Variants in NRXN1 observed in about 807,000 individuals in gnomAD.
The protein encoded by NRXN1 is neurexin 1, also known as neurexin-1.
A neutral mutation model predicts 150.9 loss-of-function variants in NRXN1; 39 were observed. The observed-to-expected ratio is 0.26, with a 90% CI of 0.20 to 0.34. The LOEUF is 0.34. NRXN1 is among the 10% of genes least tolerant of loss of function. The probability of loss-of-function intolerance (pLI) is 1.00; values close to 1 mark genes in which losing one functional copy is unlikely to be tolerated. For synonymous variants in NRXN1, 924 were observed against 757.0 expected, an observed-to-expected ratio of 1.22 and a Z score of -3.62; for missense variants, 1,815 against 1,949.9, an observed-to-expected ratio of 0.93 and a Z score of 1.30.
intron 18 of NRXN1, among the ~76,000 whole-genome samples, chr2:50,231,212 G>A (rs2064906738): frequency 7.1e-6 from 1 of 140,402 alleles, no homozygotes; most frequent in Non-Finnish European, 1.5e-5. Flanking sequence ...ATTTCAAATG[G>A]AACATAATTT....
chr2:50,785,669 AG>A (rs1276469320), intron 5 of NRXN1, among the ~76,000 whole-genome samples: 1 of 152,126 alleles, frequency 6.6e-6, no homozygotes, highest in African/African-American at 2.4e-5. Flanking sequence ...GAGAAGCAAA[AG>A]CACTGAGAGA....
In NRXN1 at chr2:50,414,933, A is replaced by G. The variant is rs1451446277; in HGVS notation, c.3364+50509T>C. On this transcript the variant is annotated intron_variant, in intron 17 of 22. Coordinates refer to ENST00000401669, the MANE Select transcript of NRXN1 (RefSeq NM_001330078.2). ...AATTTCAGAAACAAACCATACATAT[A>G]TAACAGAAATAATTTACAATTAAAA... Among the ~76,000 whole-genome samples the G allele has an allele frequency of 3.3e-5, 5 of 152,126 alleles. No individual in the cohort carries two copies. The East Asian group carries it at 7.7e-4, about 23-fold the overall frequency.
At chr2:50,938,472 C>A (rs1688879472) in intron 2 of NRXN1, among the ~76,000 whole-genome samples, 1 of 152,180 alleles carries the variant, frequency 6.6e-6, no homozygotes, top group African/African-American at 2.4e-5. Context: ...ATCTTCCTGT[C>A]TTCTTCTGAG....
At chr2:50,307,108 C>T (rs1019480992) in intron 17 of NRXN1, among the ~76,000 whole-genome samples, 2 of 152,104 alleles carry the variant, frequency 1.3e-5, no homozygotes, top group African/African-American at 4.8e-5. Context: ...CCTCAGCCTC[C>T]TGAGCATCTG....
intron 2 of NRXN1, among the ~76,000 whole-genome samples, chr2:51,013,360 T>C (rs1431267228): frequency 2.0e-5 from 3 of 151,936 alleles, no homozygotes; most frequent in African/African-American, 4.8e-5. Flanking sequence ...CTGGGGGAAG[T>C]AATTCATGGG....
intron 17 of NRXN1, among the ~76,000 whole-genome samples, chr2:50,270,937 G>A (rs1011664473): frequency 7.9e-5 from 12 of 152,090 alleles, no homozygotes; most frequent in Non-Finnish European, 1.2e-4. Context: ...GGGATTACAG[G>A]CATGAGCCAC....
At chr2:50,247,990 T>A (rs1461914802) in intron 17 of NRXN1, among the ~76,000 whole-genome samples, 1 of 152,090 alleles carries the variant, frequency 6.6e-6, no homozygotes, top group Non-Finnish European at 1.5e-5. Context: ...ATAAATATAT[T>A]AGTCATGAAG....
Position 50,344,993 on chromosome 2 carries a change from G to C in NRXN1, c.3365-108023C>G, listed in dbSNP as rs113167352. ...AATTCTGCACAAAGGCAGGGCAGTG[G>C]TTGAGAACTGCACCCAGGTAAAGGG... On this transcript the variant is annotated intron_variant, in intron 17 of 22. Coordinates refer to ENST00000401669, the MANE Select transcript of NRXN1 (RefSeq NM_001330078.2). 5.5e-4 allele frequency among the ~76,000 whole-genome samples: 84 copies of C among 152,316 alleles called. 1 individual carries two copies. Among genetic ancestry groups the C allele is most frequent in the African/African-American group, 1.7e-3 (72 of 41,572 alleles).
intron 5 of NRXN1, among the ~76,000 whole-genome samples, chr2:50,719,656 A>G (rs1185263525): frequency 1.3e-5 from 2 of 152,142 alleles, no homozygotes; most frequent in Non-Finnish European, 2.9e-5. Context: ...AGCCCAGGCG[A>G]CAGTGCAAGA....
At chr2:50,293,627 T>G (rs1241038266) in intron 17 of NRXN1, among the ~76,000 whole-genome samples, 1 of 152,058 alleles carries the variant, frequency 6.6e-6, no homozygotes, top group South Asian at 2.1e-4. Context: ...CATGATACAC[T>G]GGTATAAGTA....
chr2:50,762,512 G>A (rs1164880505), intron 5 of NRXN1, among the ~76,000 whole-genome samples: 3 of 151,640 alleles, frequency 2.0e-5, no homozygotes, highest in African/African-American at 7.3e-5. Flanking sequence ...CTCTAATAGT[G>A]CCCTGTGTCT....
intron 5 of NRXN1, among the ~76,000 whole-genome samples, chr2:50,864,191 T>C (rs1029710237): frequency 6.6e-6 from 1 of 151,992 alleles, no homozygotes; most frequent in Non-Finnish European, 1.5e-5. Flanking sequence ...ATGCATGCAT[T>C]CATCCATTTA....
At chr2:50,050,969 A>T (rs1402210789) in intron 21 of NRXN1, among the ~76,000 whole-genome samples, 1 of 152,024 alleles carries the variant, frequency 6.6e-6, no homozygotes, top group Non-Finnish European at 1.5e-5. Flanking sequence ...AACAATTTTA[A>T]ATATCTATTT....
chr2:50,497,632 A>G lies in NRXN1; in HGVS notation c.2580T>C (p.Ser860=). ...GGTGTCCAATGAAGTTGGAGGGGAC[A>G]GAAGAAAGATACCGTCGTTCTGTGA... is the stretch of plus-strand genomic sequence containing the variant. ...GIITERRYLS[S]VPSNFIGHLQ... The change falls in exon 14 of 23, where the codon TCT becomes TCC. Residue 860 remains serine, a synonymous_variant. Coordinates refer to ENST00000401669, the MANE Select transcript of NRXN1 (RefSeq NM_001330078.2). 1 of 1,613,946 alleles carries G rather than the reference A, an allele frequency of 6.2e-7. No individual in the cohort carries two copies. The highest frequency in any genetic ancestry group is 8.5e-7 in the Non-Finnish European group (1 of 1,179,840).
At position 50,966,036 on chromosome 2, in the gene NRXN1, G is replaced by C. The variant is rs377456371; in HGVS notation, c.773-40081C>G. Among the ~76,000 whole-genome samples the C allele has an allele frequency of 2.2e-4, 33 of 151,584 alleles. No homozygotes were observed. The East Asian group carries it at 5.4e-3, about 25-fold the overall frequency. On this transcript the variant is annotated intron_variant, in intron 2 of 22. Coordinates refer to ENST00000401669, the MANE Select transcript of NRXN1 (RefSeq NM_001330078.2). Reference sequence around the variant, plus strand: ...ACCTTAGTAGTAAAAAGTGTGTACAGCATTATCAGCTTTTCATATTATTTT... The same window carrying C: ...ACCTTAGTAGTAAAAAGTGTGTACACCATTATCAGCTTTTCATATTATTTT...
intron 12 of NRXN1, among the ~76,000 whole-genome samples, chr2:50,513,693 A>G (rs1379425201): frequency 6.6e-6 from 1 of 152,150 alleles, no homozygotes; most frequent in Non-Finnish European, 1.5e-5. Flanking sequence ...GAAGAGAAAT[A>G]GAGAAGAATA....
At chr2:50,325,047 G>C (rs1344150074) in intron 17 of NRXN1, among the ~76,000 whole-genome samples, 1 of 152,094 alleles carries the variant, frequency 6.6e-6, no homozygotes, top group African/African-American at 2.4e-5. Context: ...AAATACATGA[G>C]GATAGTTGAT....
chr2:50,121,019 C>T (rs149013668), intron 18 of NRXN1, among the ~76,000 whole-genome samples: 37 of 152,186 alleles, frequency 2.4e-4, no homozygotes, highest in African/African-American at 6.5e-4. Context: ...TTAGTTATCT[C>T]GTCTGTTTTT....
intron 19 of NRXN1, among the ~76,000 whole-genome samples, chr2:50,058,209 A>T (rs1693944342): frequency 6.6e-6 from 1 of 152,190 alleles, no homozygotes; most frequent in Non-Finnish European, 1.5e-5. Flanking sequence ...AGCTAAAGCA[A>T]GAACATAAAC....
Sources: allele counts gnomAD v4.1 joint callset (sites outside exome capture counted in the v4.1 genomes callset), GRCh38; gene constraint gnomAD v4.1.1; transcripts MANE v1.5; gene names NCBI Gene and HGNC (gene_info 2026-07-23, HGNC 2026-07-21).